Variants in LAP3 observed in about 807,000 individuals in gnomAD.
The protein encoded by LAP3 is leucine aminopeptidase 3.
LAP3 carries 46 observed loss-of-function variants against 58.8 expected under a neutral mutation model. The ratio of observed to expected loss-of-function variants is 0.78; its 90% confidence interval spans 0.62 to 1.00. The LOEUF is 1.00. Among genes scored for constraint, LAP3 ranks in the 50% least tolerant of loss-of-function variants. The probability of loss-of-function intolerance (pLI) is 0.00; values close to 1 mark genes in which losing one functional copy is unlikely to be tolerated. For missense variants in LAP3, 615 were observed against 659.1 expected (o/e 0.93, Z 0.73); for synonymous variants, 257 against 237.7 (o/e 1.08, Z -0.75).
rs144004186 is a variant in LAP3 at position 17,582,200 on chromosome 4, C to G, written c.274-88C>G. ...TGCAGTTAAAGTAATTGTGTGGGAG[C>G]TCAGTGAGTCTCCACATGTAGAATT... On this transcript the variant is annotated intron_variant, in intron 3 of 12. Coordinates refer to ENST00000226299, the MANE Select transcript of LAP3 (RefSeq NM_015907.3). The G allele has an allele frequency of 6.0e-3, 6,042 of 1,000,496 alleles. 28 individuals carry two copies. Among genetic ancestry groups the G allele is most frequent in the Non-Finnish European group, 7.9e-3 (5,128 of 647,472 alleles). The allele number at this position is 1,000,496 out of a possible 1,614,324, so 62.0% of individuals were successfully genotyped here. A position where few individuals can be genotyped will look rare whatever the true frequency, so the allele number is the denominator to read the frequency against.
intron 1 of LAP3, 52 bp downstream of exon 1, chr4:17,577,619 C>G (rs561859810): frequency 7.2e-7 from 1 of 1,392,056 alleles, no homozygotes; most frequent in African/African-American, 1.5e-5. Flanking sequence ...TGCCCGTGGG[C>G]TACTGGGGCT....
At chr4:17,595,094 C>G (rs540210146) in intron 7 of LAP3, among the ~76,000 whole-genome samples, 1 of 148,680 alleles carries the variant, frequency 6.7e-6, no homozygotes, top group African/African-American at 2.5e-5. Flanking sequence ...GTCAGGAGAT[C>G]GAGACCATCC....
At chr4:17,606,217 C>T (rs901385236) in intron 11 of LAP3, among the ~76,000 whole-genome samples, 1 of 152,212 alleles carries the variant, frequency 6.6e-6, no homozygotes, top group Non-Finnish European at 1.5e-5. Flanking sequence ...TGACCCGCCA[C>T]ATAAGAACTC....
At chr4:17,601,471 A>G (rs923117428) in intron 10 of LAP3, among the ~76,000 whole-genome samples, 1 of 152,142 alleles carries the variant, frequency 6.6e-6, no homozygotes, top group East Asian at 1.9e-4. Context: ...TTTAAAACTG[A>G]TAGATGACTC....
chr4:17,578,794 T>C (rs1465919973), intron 1 of LAP3, among the ~76,000 whole-genome samples: 1 of 152,198 alleles, frequency 6.6e-6, no homozygotes, highest in Non-Finnish European at 1.5e-5. Flanking sequence ...AGCAGAGTGC[T>C]TCTACCCTCC....
intron 7 of LAP3, among the ~76,000 whole-genome samples, chr4:17,589,724 G>T (rs1316333327): frequency 2.0e-5 from 3 of 152,180 alleles, no homozygotes; most frequent in African/African-American, 7.2e-5. Flanking sequence ...CTCCCAAAGT[G>T]CTGGGGTTAT....
intron 7 of LAP3, among the ~76,000 whole-genome samples, chr4:17,593,325 T>C (rs1713743963): frequency 6.6e-6 from 1 of 152,156 alleles, no homozygotes; most frequent in South Asian, 2.1e-4. Context: ...TTTTTTTTCC[T>C]ATGTGGCTGT....
At chr4:17,599,391 G>A (rs1336960394) in intron 10 of LAP3, among the ~76,000 whole-genome samples, 1 of 152,042 alleles carries the variant, frequency 6.6e-6, no homozygotes, top group Non-Finnish European at 1.5e-5. Flanking sequence ...ACAAAAATTA[G>A]TTGGGTGTGT....
intron 1 of LAP3, among the ~76,000 whole-genome samples, 171 bp downstream of exon 1, chr4:17,577,738 C>T (rs1713246925): frequency 6.6e-6 from 1 of 152,196 alleles, no homozygotes; most frequent in African/African-American, 2.4e-5. Flanking sequence ...CGCTGAGGAC[C>T]CCAGCGGTCG....
intron 6 of LAP3, chr4:17,587,374 T>A (rs549426008): frequency 6.6e-6 from 1 of 151,868 alleles, no homozygotes; most frequent in South Asian, 2.1e-4. Context: ...TAATCAGACA[T>A]CAAGTACTGA....
At chr4:17,581,593 A>G (rs1052262908) in intron 2 of LAP3, among the ~76,000 whole-genome samples, 167 bp from the exon 3 acceptor site, 4 of 151,776 alleles carry the variant, frequency 2.6e-5, no homozygotes, top group Non-Finnish European at 5.9e-5. Flanking sequence ...AAAAAAAAAG[A>G]AAGAAATCTG....
rs1713222824 is a variant in LAP3, at chr4:17,577,349, G to T, written c.-117G>T. ...CTAGACGCACGTCCGCTCGCCCGGC[G>T]CCCGAGCCAGTCCGCGCGCACGCCG... is the stretch of plus-strand genomic sequence containing the variant. On this transcript the variant is annotated 5_prime_UTR_variant, in exon 1 of 13. Transcript: ENST00000226299. The T allele has an allele frequency of 5.6e-6, 4 of 710,600 alleles. No homozygotes were observed. Among genetic ancestry groups the T allele is most frequent in the Middle Eastern group, 4.2e-4 (1 of 2,364 alleles). 44.0% of individuals were successfully genotyped at this position (710,600 alleles called of 1,614,324 possible). A position where few individuals can be genotyped will look rare whatever the true frequency, so the allele number is the denominator to read the frequency against.
intron 3 of LAP3, 190 bp from the exon 4 acceptor site, chr4:17,582,098 T>A (rs188099799): frequency 2.0e-5 from 12 of 613,926 alleles, no homozygotes; most frequent in East Asian, 2.8e-5. Flanking sequence ...CTATAAGTTA[T>A]ACAATTTTGC....
intron 4 of LAP3, chr4:17,582,597 T>C: frequency 1.9e-6 from 1 of 523,416 alleles, no homozygotes; most frequent in South Asian, 2.3e-5. Flanking sequence ...AATTTTATTT[T>C]TAATATATCT....
intron 5 of LAP3, 130 bp downstream of exon 5, chr4:17,583,772 T>A: frequency 1.1e-6 from 1 of 909,916 alleles, no homozygotes; most frequent in Non-Finnish European, 1.7e-6. Flanking sequence ...CCCCATTGCC[T>A]CAGCCATTTT....
rs1560344196 is a variant in LAP3, at chr4:17,588,855, A to G, written c.741A>G (p.Ser247=). The G allele has an allele frequency of 1.2e-6, 2 of 1,614,134 alleles. No individual in the cohort carries two copies. Among genetic ancestry groups the G allele is most frequent in the East Asian group, 2.2e-5 (1 of 44,870 alleles). The part of the protein sequence containing the change: ...KSWIEEQAMG[S]FLSVAKGSDE... Reference sequence around the variant, plus strand: ...GGATTGAGGAACAGGCAATGGGATCATTCCTCAGTGTGGCCAAAGGATCTG... The same window carrying G: ...GGATTGAGGAACAGGCAATGGGATCGTTCCTCAGTGTGGCCAAAGGATCTG... Residue 247 remains serine, a synonymous_variant, in exon 7 of 13, where the codon TCA becomes TCG. Coordinates refer to ENST00000226299, the MANE Select transcript of LAP3 (RefSeq NM_015907.3).
At chr4:17,605,590 G>A (rs996120074) in intron 11 of LAP3, among the ~76,000 whole-genome samples, 16 of 152,066 alleles carry the variant, frequency 1.1e-4, no homozygotes, top group African/African-American at 3.9e-4. Flanking sequence ...TAATCCTGAG[G>A]GTGGTTTAAG....
intron 1 of LAP3, 66 bp downstream of exon 1, chr4:17,577,633 G>A: frequency 3.1e-6 from 4 of 1,309,158 alleles, no homozygotes; most frequent in Non-Finnish European, 3.2e-6. Flanking sequence ...TGGGGCTGCG[G>A]GGCTGGTCGA....
chr4:17,606,478 A>G (rs1240346081), intron 11 of LAP3, among the ~76,000 whole-genome samples: 1 of 152,098 alleles, frequency 6.6e-6, no homozygotes, highest in Non-Finnish European at 1.5e-5. Flanking sequence ...AGCTGGGACT[A>G]CAGGCGCGCA....
Sources: gnomAD v4.1 joint callset for allele counts (sites outside exome capture counted in the v4.1 genomes callset) on GRCh38, gnomAD v4.1.1 for gene constraint, MANE v1.5 for transcripts, NCBI Gene and HGNC (gene_info 2026-07-23, HGNC 2026-07-21) for gene names.